EEF1AKMT1: variants seen among roughly 807,000 people sequenced by gnomAD.
EEF1AKMT1 encodes the protein EEF1A lysine methyltransferase 1.
Under a neutral mutation model 21.0 loss-of-function variants are expected in EEF1AKMT1, and 18 were observed. The observed-to-expected ratio is 0.86, with a 90% CI of 0.59 to 1.27. The LOEUF is 1.27. Ranked by LOEUF, EEF1AKMT1 falls within the 50% of genes most tolerant of loss-of-function variation. EEF1AKMT1 has a pLI of 0.00. For missense variants in EEF1AKMT1, 246 were observed against 258.6 expected (o/e 0.95, Z 0.33); for synonymous variants, 109 against 94.8 (o/e 1.15, Z -0.87).
At chr13:20,754,797 C>G (rs1470470850) in intron 2 of EEF1AKMT1, among the ~76,000 whole-genome samples, 4 of 148,574 alleles carry the variant, frequency 2.7e-5, no homozygotes, top group African/African-American at 1.0e-4. Context: ...CCTGTAGGCA[C>G]AAGAATCGCT....
At chr13:20,737,969 AATTT>A (rs891159277) in intron 2 of EEF1AKMT1, among the ~76,000 whole-genome samples, 164 bp from the exon 3 acceptor site, 2 of 152,246 alleles carry the variant, frequency 1.3e-5, no homozygotes, top group African/African-American at 4.8e-5. Context: ...TTTGAAAATT[AATTT>A]TTCTTCGAAA....
intron 2 of EEF1AKMT1, among the ~76,000 whole-genome samples, chr13:20,753,062 T>C (rs1403830191): frequency 2.6e-5 from 4 of 152,122 alleles, no homozygotes; most frequent in Non-Finnish European, 2.9e-5. Flanking sequence ...ACTTTCTAGA[T>C]GTAGATTTTT....
Position 20,739,076 on chromosome 13 carries a change from G to A in EEF1AKMT1, c.145-1271C>T, listed in dbSNP as rs138550584. On this transcript the variant is annotated intron_variant, in intron 2 of 4. Coordinates refer to ENST00000382758, the MANE Select transcript of EEF1AKMT1 (RefSeq NM_001318939.2). ...TTCCTCCTGGGGGGGTCGTGGTCTC[G>A]CTGGCTTCAGGAGTGAAGCTGCAGA... 3.5e-3 allele frequency among the ~76,000 whole-genome samples: 536 copies of A among 152,144 alleles called. 6 individuals are homozygous for A. The highest frequency in any genetic ancestry group is 0.012 in the African/African-American group (500 of 41,490).
chr13:20,771,336 T>C (rs1007479323), intron 1 of EEF1AKMT1, among the ~76,000 whole-genome samples: 4 of 152,204 alleles, frequency 2.6e-5, no homozygotes, highest in African/African-American at 7.2e-5. Context: ...TTTAATAAAA[T>C]TGTCGCCTTT....
At chr13:20,752,784 G>A (rs1433392318) in intron 2 of EEF1AKMT1, among the ~76,000 whole-genome samples, 2 of 151,840 alleles carry the variant, frequency 1.3e-5, no homozygotes, top group African/African-American at 2.4e-5. Flanking sequence ...CTGGACTTCA[G>A]TTGTAATGTC....
chr13:20,742,913 T>C (rs73167417), intron 2 of EEF1AKMT1, among the ~76,000 whole-genome samples: 14,182 of 152,290 alleles, frequency 0.093, 808 homozygotes, highest in Non-Finnish European at 0.13. Flanking sequence ...TCTCCTCGTC[T>C]TTCTCTTGTC....
intron 2 of EEF1AKMT1, among the ~76,000 whole-genome samples, chr13:20,744,693 T>A (rs2058892659): frequency 6.6e-6 from 1 of 152,248 alleles, no homozygotes; most frequent in Admixed American, 6.5e-5. Flanking sequence ...TTTAATTAGA[T>A]CCCATTTGCC....
chr13:20,746,223 G>A (rs1381580193), intron 2 of EEF1AKMT1, among the ~76,000 whole-genome samples: 6 of 151,988 alleles, frequency 3.9e-5, no homozygotes, highest in Non-Finnish European at 8.8e-5. Flanking sequence ...CACAATGTCG[G>A]CTCACTGCAG....
chr13:20,742,664 C>A (rs767097514), intron 2 of EEF1AKMT1, among the ~76,000 whole-genome samples: 1 of 152,226 alleles, frequency 6.6e-6, no homozygotes, highest in Non-Finnish European at 1.5e-5. Flanking sequence ...AATAATTATT[C>A]TGGCTTTCTG....
At chr13:20,735,461 A>G (rs1036326720) in intron 3 of EEF1AKMT1, among the ~76,000 whole-genome samples, 2 of 152,200 alleles carry the variant, frequency 1.3e-5, no homozygotes, top group Non-Finnish European at 2.9e-5. Flanking sequence ...AACGCATTGG[A>G]TGATGAAACT....
intron 1 of EEF1AKMT1, among the ~76,000 whole-genome samples, chr13:20,764,834 A>T (rs575720839): frequency 8.4e-4 from 57 of 67,578 alleles, no homozygotes; most frequent in African/African-American, 2.1e-3. Flanking sequence ...TCATGCTTTT[A>T]AAAAAAAGCT....
intron 2 of EEF1AKMT1, among the ~76,000 whole-genome samples, chr13:20,744,728 T>C (rs2141421782): frequency 6.6e-6 from 1 of 152,352 alleles, no homozygotes; most frequent in South Asian, 2.1e-4. Context: ...TTGCCATTGC[T>C]TTTGGTGTTT....
chr13:20,757,623 G>T lies in EEF1AKMT1; in HGVS notation c.-19-6C>A, dbSNP rs1440707463. 1 of 1,604,796 alleles carries T rather than the reference G, an allele frequency of 6.2e-7. No individual in the cohort carries two copies. The highest frequency in any genetic ancestry group is 2.2e-5 in the East Asian group (1 of 44,714). ...TTTCACAAGTTGTTTATAACCTGCA[G>T]ATCAAGAAATAAATGTTCTGTGCAG... On this transcript the variant is annotated splice_polypyrimidine_tract_variant and splice_region_variant and intron_variant, in intron 1 of 4. Transcript: ENST00000382758.
intron 3 of EEF1AKMT1, among the ~76,000 whole-genome samples, chr13:20,732,631 C>T (rs369118924): frequency 6.6e-6 from 1 of 152,110 alleles, no homozygotes; most frequent in South Asian, 2.1e-4. Context: ...CCGCGCCTGG[C>T]CTATAGCTTA....
intron 2 of EEF1AKMT1, among the ~76,000 whole-genome samples, chr13:20,749,323 T>C (rs2058928499): frequency 6.6e-6 from 1 of 152,184 alleles, no homozygotes; most frequent in Non-Finnish European, 1.5e-5. Flanking sequence ...CCTACTACAA[T>C]GTAGATTGGC....
Position 20,756,273 on chromosome 13 carries a change from TA to T in EEF1AKMT1, c.144+1181del, listed in dbSNP as rs540204579. On this transcript the variant is annotated intron_variant, in intron 2 of 4. Transcript: ENST00000382758. ...TTTTCTGTTTCCCAACTATTTCCTT[TA>T]AAAAAAAAAATTATAGGTTCCAGGT... Among the ~76,000 whole-genome samples, 146 of 148,892 alleles carry T rather than the reference TA, an allele frequency of 9.8e-4. 1 individual carries two copies. Among genetic ancestry groups the T allele is most frequent in the African/African-American group, 3.0e-3 (122 of 40,782 alleles).
At chr13:20,773,485 G>A (rs1405414129) in intron 1 of EEF1AKMT1, among the ~76,000 whole-genome samples, 2 of 152,248 alleles carry the variant, frequency 1.3e-5, no homozygotes, top group African/African-American at 4.8e-5. Flanking sequence ...GGAGCGGACA[G>A]TCAGGCCTGG....
intron 2 of EEF1AKMT1, among the ~76,000 whole-genome samples, chr13:20,744,348 T>C (rs1421382352): frequency 6.6e-6 from 1 of 152,222 alleles, no homozygotes. Context: ...CAGCCTGTTG[T>C]TTCCTGACTT....
At chr13:20,758,884 G>C (rs1292294717) in intron 1 of EEF1AKMT1, among the ~76,000 whole-genome samples, 2 of 152,084 alleles carry the variant, frequency 1.3e-5, no homozygotes, top group Admixed American at 6.6e-5. Flanking sequence ...ACAATCAACT[G>C]GTCTTCGATC....
Sources: gnomAD v4.1 joint callset for allele counts (sites outside exome capture counted in the v4.1 genomes callset) on GRCh38, gnomAD v4.1.1 for gene constraint, MANE v1.5 for transcripts, NCBI Gene and HGNC (gene_info 2026-07-23, HGNC 2026-07-21) for gene names.